Variants in GAS7 observed in about 807,000 individuals in gnomAD.
GAS7 encodes the protein growth arrest-specific protein 7.
GAS7 carries 28 observed loss-of-function variants against 71.1 expected under a neutral mutation model. That is an observed-to-expected ratio of 0.39 (90% CI 0.29 to 0.54). The LOEUF is 0.54. Among genes scored for constraint, GAS7 ranks in the 20% least tolerant of loss-of-function variants. The probability of loss-of-function intolerance (pLI) is 0.62; values close to 1 mark genes in which losing one functional copy is unlikely to be tolerated. For missense variants in GAS7, 436 were observed against 627.8 expected (o/e 0.69, Z 3.27); for synonymous variants, 258 against 245.8 (o/e 1.05, Z -0.46).
chr17:10,155,467 G>T (rs558643323), intron 1 of GAS7, among the ~76,000 whole-genome samples: 8 of 152,294 alleles, frequency 5.3e-5, no homozygotes, highest in African/African-American at 1.9e-4. Context: ...CCTCATAAAA[G>T]TATTTGTAAT....
In GAS7 at chr17:10,048,015, A is replaced by T. The variant is rs145467864; in HGVS notation, c.184-28118T>A. Among the ~76,000 whole-genome samples the T allele has an allele frequency of 2.0e-3, 308 of 152,360 alleles. 2 individuals are homozygous for T. Among genetic ancestry groups the T allele is most frequent in the African/African-American group, 7.3e-3 (303 of 41,588 alleles). On this transcript the variant is annotated intron_variant, in intron 1 of 13. Transcript: ENST00000432992. ...TTGCAAAAATAATCTAAAATTACGC[A>T]TATAGGCCAGGCGCGGTGACTCATG...
intron 1 of GAS7, among the ~76,000 whole-genome samples, chr17:10,184,799 AG>A (rs2074439853): frequency 6.6e-6 from 1 of 152,170 alleles, no homozygotes; most frequent in African/African-American, 2.4e-5. Context: ...CAGATAGCCC[AG>A]GTTGGAGCTG....
intron 1 of GAS7, among the ~76,000 whole-genome samples, chr17:10,093,626 T>C (rs6503285): frequency 6.7e-6 from 1 of 150,042 alleles, no homozygotes. Flanking sequence ...GGAGCTCCCA[T>C]GGAAAGAGGG....
At chr17:10,073,356 C>T (rs956768550) in intron 1 of GAS7, among the ~76,000 whole-genome samples, 3 of 152,186 alleles carry the variant, frequency 2.0e-5, no homozygotes, top group Non-Finnish European at 4.4e-5. Flanking sequence ...CACTCCTCCC[C>T]AGCCAGTGCA....
chr17:10,014,086 C>T (rs1374066418), intron 2 of GAS7, among the ~76,000 whole-genome samples: 1 of 152,206 alleles, frequency 6.6e-6, no homozygotes, highest in Non-Finnish European at 1.5e-5. Flanking sequence ...CCATCTCTCC[C>T]AGAACGCACC....
chr17:10,113,105 G>C (rs1011788402), intron 1 of GAS7, among the ~76,000 whole-genome samples: 6 of 152,106 alleles, frequency 3.9e-5, no homozygotes, highest in African/African-American at 9.7e-5. Context: ...GCAATAGAGT[G>C]GGGGAGCCAT....
At chr17:10,181,053 G>T (rs1245029237) in intron 1 of GAS7, among the ~76,000 whole-genome samples, 1 of 143,430 alleles carries the variant, frequency 7.0e-6, no homozygotes, top group Admixed American at 7.1e-5. Flanking sequence ...GTGGCGGGGG[G>T]TGGGGGGTGG....
At chr17:10,134,923 C>A (rs536753965) in intron 1 of GAS7, among the ~76,000 whole-genome samples, 1 of 151,926 alleles carries the variant, frequency 6.6e-6, no homozygotes, top group Non-Finnish European at 1.5e-5. Context: ...ACCTCCGGCT[C>A]CCAAGTTCAA....
intron 1 of GAS7, among the ~76,000 whole-genome samples, chr17:10,130,329 T>TAAA (rs35108339): frequency 3.1e-5 from 4 of 127,448 alleles, no homozygotes; most frequent in Admixed American, 7.9e-5. Context: ...AGCTATGATT[T>TAAA]AAAAAAAAAA....
At chr17:10,031,881 CA>C (rs1276000679) in intron 1 of GAS7, among the ~76,000 whole-genome samples, 13 of 152,296 alleles carry the variant, frequency 8.5e-5, no homozygotes, top group African/African-American at 3.1e-4. Flanking sequence ...GACGAACCAG[CA>C]TAATTGTGCC....
rs529034175 is a variant in GAS7 at position 9,916,580 on chromosome 17, T to C, written c.*648A>G. On this transcript the variant is annotated 3_prime_UTR_variant, in exon 14 of 14. Coordinates refer to ENST00000432992, the MANE Select transcript of GAS7 (RefSeq NM_201433.2). The stretch of plus-strand genomic sequence containing the variant: ...ATTCAGCGCTCAATTTGGGGCTAAT[T>C]TGCCGAATGAGGTAGTTCCATCCTG... 3 of 252,698 alleles carry C rather than the reference T, an allele frequency of 1.2e-5. No homozygotes were observed. The highest frequency in any genetic ancestry group is 1.5e-5 in the Non-Finnish European group (2 of 131,730). 15.7% of individuals were successfully genotyped at this position (252,698 alleles called of 1,614,324 possible). A position where few individuals can be genotyped will look rare whatever the true frequency, so the allele number is the denominator to read the frequency against.
chr17:10,157,206 C>T (rs531855048), intron 1 of GAS7, among the ~76,000 whole-genome samples: 1 of 152,280 alleles, frequency 6.6e-6, no homozygotes, highest in South Asian at 2.1e-4. Context: ...GCAGCAAACC[C>T]AGAGTCCTCA....
At chr17:10,105,017 T>C (rs1035368692) in intron 1 of GAS7, among the ~76,000 whole-genome samples, 1 of 152,214 alleles carries the variant, frequency 6.6e-6, no homozygotes, top group Non-Finnish European at 1.5e-5. Context: ...AAAGCCTGCC[T>C]CTGACTACCT....
chr17:10,149,155 T>C (rs1296563880), intron 1 of GAS7, among the ~76,000 whole-genome samples: 3 of 152,158 alleles, frequency 2.0e-5, no homozygotes, highest in South Asian at 2.1e-4. Flanking sequence ...CAGACTGGAG[T>C]GCAGTGGTGC....
chr17:10,085,741 CCTTA>C (rs1193293878), intron 1 of GAS7, among the ~76,000 whole-genome samples: 2 of 151,184 alleles, frequency 1.3e-5, no homozygotes, highest in African/African-American at 4.9e-5. Flanking sequence ...AGGAACCATC[CCTTA>C]CTGAGTGATG....
intron 1 of GAS7, among the ~76,000 whole-genome samples, chr17:10,032,561 C>T (rs2072647710): frequency 6.6e-6 from 1 of 152,148 alleles, no homozygotes; most frequent in South Asian, 2.1e-4. Flanking sequence ...GGGGGGATTG[C>T]TAGCCTTGAG....
At chr17:10,098,272 G>A (rs1483654310) in intron 1 of GAS7, among the ~76,000 whole-genome samples, 1 of 152,178 alleles carries the variant, frequency 6.6e-6, no homozygotes, top group Non-Finnish European at 1.5e-5. Flanking sequence ...GGACTAGCCT[G>A]GCCAGGAGAG....
chr17:10,113,375 G>C (rs1402642175), intron 1 of GAS7, among the ~76,000 whole-genome samples: 2 of 152,156 alleles, frequency 1.3e-5, no homozygotes, highest in Non-Finnish European at 2.9e-5. Flanking sequence ...CAGAATGATG[G>C]ATATACGAGG....
chr17:10,032,511 T>C (rs759504766), intron 1 of GAS7, among the ~76,000 whole-genome samples: 7 of 152,212 alleles, frequency 4.6e-5, no homozygotes, highest in Non-Finnish European at 1.0e-4. Context: ...TGTGCAATTA[T>C]CTTAGCCTCT....
Sources: allele counts gnomAD v4.1 joint callset (sites outside exome capture counted in the v4.1 genomes callset), GRCh38; gene constraint gnomAD v4.1.1; transcripts MANE v1.5; gene names NCBI Gene and HGNC (gene_info 2026-07-23, HGNC 2026-07-21).